CLN3: variants seen among roughly 807,000 people sequenced by gnomAD.
CLN3 encodes CLN3 lysosomal/endosomal transmembrane protein, battenin.
CLN3 carries 49 observed loss-of-function variants against 60.7 expected under a neutral mutation model. The observed-to-expected ratio is 0.81, with a 90% CI of 0.64 to 1.02. CLN3 has a LOEUF of 1.02. Ranked by LOEUF, CLN3 falls within the 50% of genes least tolerant of loss-of-function variation. The probability of loss-of-function intolerance (pLI) is 0.00; values close to 1 mark genes in which losing one functional copy is unlikely to be tolerated. For missense variants in CLN3, 516 were observed against 557.4 expected, an observed-to-expected ratio of 0.93 and a Z score of 0.75; for synonymous variants, 256 against 245.8, an observed-to-expected ratio of 1.04 and a Z score of -0.39.
intron 10 of CLN3, 57 bp downstream of exon 10, chr16:28,483,948 GA>G: frequency 4.6e-6 from 6 of 1,309,440 alleles, no homozygotes; most frequent in South Asian, 1.3e-5. Flanking sequence ...TTGCAGAGAG[GA>G]AAAGGCCAAA....
In CLN3 at chr16:28,486,580, G is replaced by A. The variant is rs751773646; in HGVS notation, c.531C>T (p.Pro177=). 1 of 1,610,748 alleles carries A rather than the reference G, an allele frequency of 6.2e-7. No homozygotes were observed. The highest frequency in any genetic ancestry group is 1.1e-5 in the South Asian group (1 of 90,316). The change falls in exon 8 of 16, where the codon CCC becomes CCT. Residue 177 remains proline (P), a splice_region_variant and synonymous_variant. Transcript: ENST00000636147. ...CACTCCCTGCTCCACCTGCTTACCT[G>A]GGGTAGAAGGCAGTGAGGGAGAGGA... The part of the protein sequence containing the change: ...VTFLSLTAFY[P]RAVISWWSSG...
rs772851701 is a variant in CLN3, at chr16:28,489,331, C to T, written c.181G>A (p.Asp61Asn). Reference sequence around the variant, plus strand: ...GATGTCCTCTTGTGGCTAAGGATGTCGTGGGCGGCACTCAGCATCACCACA... The same window carrying T: ...GATGTCCTCTTGTGGCTAAGGATGTTGTGGGCGGCACTCAGCATCACCACA... ...SYVVMLSAAH[D>N]ILSHKRTSGN... The change falls in exon 4 of 16, where the codon GAC becomes AAC. Residue 61 changes from aspartate to asparagine, a missense_variant. By Grantham distance (23) the Asp-to-Asn change is conservative. Coordinates refer to ENST00000636147, the MANE Select transcript of CLN3 (RefSeq NM_001042432.2). 5.0e-6 allele frequency: 8 copies of T among 1,613,514 alleles called. No individual in the cohort carries two copies. The highest frequency in any genetic ancestry group is 2.2e-5 in the East Asian group (1 of 44,862).
Position 28,481,444 on chromosome 16 carries a change from A to G in CLN3, c.1056+661T>C, listed in dbSNP as rs1017144398. ...CACACACACACACACACACACACAC[A>G]CACACACACGCACACACACACACAC... On this transcript the variant is annotated intron_variant, in intron 14 of 15. Coordinates refer to ENST00000636147, the MANE Select transcript of CLN3 (RefSeq NM_001042432.2). Among the ~76,000 whole-genome samples, 774 of 134,828 alleles carry G rather than the reference A, an allele frequency of 5.7e-3. 4 individuals carry two copies. Among genetic ancestry groups the G allele is most frequent in the Non-Finnish European group, 9.3e-3 (573 of 61,834 alleles). The allele number at this position is 134,828 out of a possible 152,430, so 88.5% of individuals were successfully genotyped here.
At position 28,482,008 on chromosome 16, in the gene CLN3, C is replaced by T. The variant is rs2046104202; in HGVS notation, c.1056+97G>A. 1.3e-5 allele frequency: 10 copies of T among 778,328 alleles called. No individual in the cohort carries two copies. In the South Asian group the frequency reaches 1.5e-4, roughly 12 times the overall value. The allele number at this position is 778,328 out of a possible 1,614,324, so 48.2% of individuals were successfully genotyped here. A position where few individuals can be genotyped will look rare whatever the true frequency, so the allele number is the denominator to read the frequency against. On this transcript the variant is annotated intron_variant, in intron 14 of 15. Coordinates refer to ENST00000636147, the MANE Select transcript of CLN3 (RefSeq NM_001042432.2). Reference sequence around the variant, plus strand: ...TCTCAAAAAAAAAAAAAAAAATTTACACTTCCCACTGATAGTGGGAAGCAG... The same window carrying T: ...TCTCAAAAAAAAAAAAAAAAATTTATACTTCCCACTGATAGTGGGAAGCAG...
At chr16:28,490,629 A>G (rs944104504) in intron 3 of CLN3, among the ~76,000 whole-genome samples, 1 of 151,038 alleles carries the variant, frequency 6.6e-6, no homozygotes, top group East Asian at 1.9e-4. Flanking sequence ...GCGTGGTGGC[A>G]GGCGCCTGTA....
At chr16:28,482,444 A>G in intron 12 of CLN3, 33 bp downstream of exon 12, 2 of 1,613,820 alleles carry the variant, frequency 1.2e-6, no homozygotes, top group East Asian at 4.5e-5. Flanking sequence ...CCCAATCGCC[A>G]CCTCCACACC....
At chr16:28,479,000 T>G (rs939324038) in intron 14 of CLN3, among the ~76,000 whole-genome samples, 1 of 152,090 alleles carries the variant, frequency 6.6e-6, no homozygotes, top group African/African-American at 2.4e-5. Flanking sequence ...CCTCCCAAAG[T>G]GCTGGGATTA....
At chr16:28,472,032 A>C (rs1430155111), downstream of CLN3, among the ~76,000 whole-genome samples, 1 of 150,250 alleles carries the variant, frequency 6.7e-6, no homozygotes, top group Non-Finnish European at 1.5e-5. Context: ...TCCGTCTCCA[A>C]AAAAAAAAAG....
chr16:28,482,059 G>A (rs1258224918), intron 14 of CLN3, 46 bp downstream of exon 14: 3 of 1,480,178 alleles, frequency 2.0e-6, no homozygotes, highest in South Asian at 2.3e-5. Flanking sequence ...TGGGAGCCAA[G>A]CTGGGAGCCA....
At position 28,478,617 on chromosome 16, in the gene CLN3, T is replaced by TAAAAAAAAAAAAAAAAAAA. The variant is rs766238150; in HGVS notation, c.1057-759_1057-741dup. Among the ~76,000 whole-genome samples the TAAAAAAAAAAAAAAAAAAA allele has an allele frequency of 2.6e-4, 19 of 74,354 alleles. 1 individual carries two copies. The highest frequency in any genetic ancestry group is 1.3e-3 in the African/African-American group (17 of 13,098). 48.8% of individuals were successfully genotyped at this position (74,354 alleles called of 152,430 possible). Reference sequence around the variant, plus strand: ...GGTGACAGAGCAAGATCCTGTCTCATAAAAAAAAAAAAAAAAAAAAAAAAA... The same window carrying TAAAAAAAAAAAAAAAAAAA: ...GGTGACAGAGCAAGATCCTGTCTCATAAAAAAAAAAAAAAAAAAAAAAAAAAAAAAAAAAAAAAAAAAAA... On this transcript the variant is annotated intron_variant, in intron 14 of 15. Transcript: ENST00000636147.
At chr16:28,470,828 C>G (rs1402216757), downstream of CLN3, among the ~76,000 whole-genome samples, 1 of 138,352 alleles carries the variant, frequency 7.2e-6, no homozygotes, top group Admixed American at 7.3e-5. Context: ...CAACAGGACA[C>G]GCGGGGCAAG....
At chr16:28,483,985 C>T (rs2046155446) in intron 10 of CLN3, 21 bp downstream of exon 10, 1 of 1,568,716 alleles carries the variant, frequency 6.4e-7, no homozygotes, top group African/African-American at 1.4e-5. Flanking sequence ...AGTGACCTCT[C>T]TGAGGGTCTG....
chr16:28,489,447 T>A, intron 3 of CLN3, 61 bp from the exon 4 acceptor site: 1 of 1,220,618 alleles, frequency 8.2e-7, no homozygotes, highest in Non-Finnish European at 1.2e-6. Flanking sequence ...GTAGCCTTTG[T>A]GCCAAACCTT....
At chr16:28,483,368 T>G in intron 10 of CLN3, among the ~76,000 whole-genome samples, 1 of 151,956 alleles carries the variant, frequency 6.6e-6, no homozygotes, top group East Asian at 2.0e-4. Flanking sequence ...ACTACAGGCA[T>G]GCACCACCAC....
chr16:28,482,218 G>C lies in CLN3; in HGVS notation c.963-20C>G. ...TGGTACCTGAGGTTAGGGTTGGGGG[G>C]AGGAGAGGAGGCTCCTCCAGGGACC... On this transcript the variant is annotated intron_variant, in intron 13 of 15. Transcript: ENST00000636147. 1 of 1,607,916 alleles carries C rather than the reference G, an allele frequency of 6.2e-7. No individual in the cohort carries two copies. The highest frequency in any genetic ancestry group is 8.5e-7 in the Non-Finnish European group (1 of 1,176,738).
downstream of CLN3, chr16:28,477,177 TCTG>T: frequency 2.9e-6 from 1 of 340,102 alleles, no homozygotes; most frequent in South Asian, 2.8e-5. Flanking sequence ...AAGGGAGAAA[TCTG>T]CTGACATACC....
chr16:28,490,759 C>CAAAA (rs772260404), intron 3 of CLN3, among the ~76,000 whole-genome samples: 2 of 55,052 alleles, frequency 3.6e-5, no homozygotes, highest in African/African-American at 7.4e-5. Context: ...GACTCCGTCT[C>CAAAA]AAAAAAAAAA....
chr16:28,490,759 C>CA (rs772260404), intron 3 of CLN3, among the ~76,000 whole-genome samples: 10,053 of 53,264 alleles, frequency 0.19, 698 homozygotes, highest in Non-Finnish European at 0.23. Flanking sequence ...GACTCCGTCT[C>CA]AAAAAAAAAA....
Position 28,488,630 on chromosome 16 carries a change from G to A in CLN3, c.255C>T (p.Asn85=), listed in dbSNP as rs1173380097. ...AGTTGCAGTCAAATCGTGATGAGCT[G>A]TTGTGGGGGATCGGCGTTGGGCCTG... ...VDPGPTPIPH[N]SSSRFDCNSV... is the part of the protein sequence containing the mutation. The change falls in exon 5 of 16, where the codon AAC becomes AAT. Residue 85 remains asparagine, a synonymous_variant. Transcript: ENST00000636147. 3 of 1,614,206 alleles carry A rather than the reference G, an allele frequency of 1.9e-6. No individual in the cohort carries two copies. The highest frequency in any genetic ancestry group is 2.2e-5 in the East Asian group (1 of 44,880).
Sources: gnomAD v4.1 joint callset for allele counts (sites outside exome capture counted in the v4.1 genomes callset) on GRCh38, gnomAD v4.1.1 for gene constraint, MANE v1.5 for transcripts, NCBI Gene and HGNC (gene_info 2026-07-23, HGNC 2026-07-21) for gene names.